Variants in SMAP1 observed in about 807,000 individuals in gnomAD.
SMAP1 encodes stromal membrane-associated protein 1.
A neutral mutation model predicts 58.5 loss-of-function variants in SMAP1; 24 were observed. The ratio of observed to expected loss-of-function variants is 0.41; its 90% CI spans 0.30 to 0.58. SMAP1 has a LOEUF of 0.58. Among genes scored for constraint, SMAP1 ranks in the 20% least tolerant of loss-of-function variants. SMAP1 has a pLI of 0.29. For synonymous variants in SMAP1, 216 were observed against 196.6 expected (o/e 1.10, Z -0.82); for missense variants, 563 against 566.3 (o/e 0.99, Z 0.06).
At chr6:70,691,315 A>G (rs1013621490) in intron 1 of SMAP1, among the ~76,000 whole-genome samples, 12 of 151,876 alleles carry the variant, frequency 7.9e-5, no homozygotes, top group African/African-American at 2.9e-4. Context: ...TAAAATTTTT[A>G]TGGGTACATA....
intron 3 of SMAP1, chr6:70,773,082 G>A (rs942853685): frequency 3.0e-5 from 10 of 337,280 alleles, no homozygotes; most frequent in Non-Finnish European, 4.9e-5. Flanking sequence ...TGGTGGTGAT[G>A]TAGGAATTAA....
chr6:70,808,201 G>T (rs1769220481), intron 6 of SMAP1, among the ~76,000 whole-genome samples: 1 of 152,112 alleles, frequency 6.6e-6, no homozygotes, highest in Non-Finnish European at 1.5e-5. Flanking sequence ...GATCCACGCA[G>T]TTCAAACCCA....
intron 4 of SMAP1, among the ~76,000 whole-genome samples, chr6:70,781,931 G>A (rs1003874099): frequency 6.6e-6 from 1 of 152,132 alleles, no homozygotes; most frequent in African/African-American, 2.4e-5. Flanking sequence ...AGAGAAGAAC[G>A]TCTGAGCTTA....
At chr6:70,754,526 C>T (rs2149888819) in intron 2 of SMAP1, among the ~76,000 whole-genome samples, 1 of 152,168 alleles carries the variant, frequency 6.6e-6, no homozygotes, top group South Asian at 2.1e-4. Context: ...CACTGTTTCT[C>T]TCTTATCTGG....
In SMAP1 at chr6:70,811,385, A is replaced by G. The variant is rs1344652704; in HGVS notation, c.576+12648A>G. ...TTGTTAAATGCCCCCTGGGAAGCAT[A>G]ATCACTTCTCACTTGAGAATTGTTG... On this transcript the variant is annotated intron_variant, in intron 6 of 10. Transcript: ENST00000370455. Among the ~76,000 whole-genome samples the G allele has an allele frequency of 2.0e-5, 3 of 152,170 alleles. No individual in the cohort carries two copies. In the East Asian group the frequency reaches 5.8e-4, roughly 29 times the overall value.
At chr6:70,773,265 A>G in intron 3 of SMAP1, 85 bp from the exon 4 acceptor site, 2 of 747,692 alleles carry the variant, frequency 2.7e-6, no homozygotes, top group Non-Finnish European at 2.2e-6. Flanking sequence ...TTAAATTTAG[A>G]GTCCCAGCTT....
chr6:70,748,752 A>G (rs1156495196), intron 2 of SMAP1, among the ~76,000 whole-genome samples: 1 of 152,056 alleles, frequency 6.6e-6, no homozygotes, highest in African/African-American at 2.4e-5. Flanking sequence ...ACATGGTACA[A>G]ACTTTAAAGG....
At chr6:70,729,948 G>A (rs113615432) in intron 1 of SMAP1, among the ~76,000 whole-genome samples, 2,650 of 152,254 alleles carry the variant, frequency 0.017, 33 homozygotes, top group Non-Finnish European at 0.023. Flanking sequence ...TACTCTGGGG[G>A]TCACAGAATT....
Position 70,837,037 on chromosome 6 carries a change from TA to T in SMAP1, c.664+15del. Reference sequence around the variant, plus strand: ...GGATCTTTTAGGACTTGGTAAGTAATAAAAAATAAAAGTCACTGCTGGAGTT... The same window carrying T: ...GGATCTTTTAGGACTTGGTAAGTAATAAAAATAAAAGTCACTGCTGGAGTT... On this transcript the variant is annotated intron_variant, in intron 7 of 10. Transcript: ENST00000370455. The T allele has an allele frequency of 1.9e-6, 3 of 1,553,674 alleles. No individual in the cohort carries two copies. Among genetic ancestry groups the T allele is most frequent in the Non-Finnish European group, 8.7e-7 (1 of 1,151,600 alleles).
intron 5 of SMAP1, among the ~76,000 whole-genome samples, chr6:70,794,559 C>A (rs1189055673): frequency 6.6e-6 from 1 of 152,098 alleles, no homozygotes; most frequent in Non-Finnish European, 1.5e-5. Context: ...TATCTCCCAC[C>A]ACCCCACGAC....
At chr6:70,676,252 TGAACATGAGGGTGGTCTTGGG>T (rs1245153803) in intron 1 of SMAP1, among the ~76,000 whole-genome samples, 2 of 152,234 alleles carry the variant, frequency 1.3e-5, no homozygotes, top group Non-Finnish European at 2.9e-5. Flanking sequence ...AGCAAATTAC[TGAACATGAGGGTGGTCTTGGG>T]GAACTCAAAG....
chr6:70,772,715 A>G (rs1272457285), intron 3 of SMAP1, among the ~76,000 whole-genome samples: 2 of 152,204 alleles, frequency 1.3e-5, no homozygotes, highest in East Asian at 1.9e-4. Flanking sequence ...TGGCTTTATC[A>G]TCTTGACTTT....
At chr6:70,669,903 T>G (rs1766193121) in intron 1 of SMAP1, among the ~76,000 whole-genome samples, 1 of 152,204 alleles carries the variant, frequency 6.6e-6, no homozygotes, top group Non-Finnish European at 1.5e-5. Flanking sequence ...TTTTCACTAA[T>G]GCTTTCTAAA....
At position 70,861,924 on chromosome 6, in the gene SMAP1, C is replaced by T. The variant is rs781519334; in HGVS notation, c.*1590C>T. ...TTGCATCCCTGGCTGGGATCCACGA[C>T]GCTTAAATACAGCTTTTGGATTGGA... On this transcript the variant is annotated 3_prime_UTR_variant, in exon 11 of 11. Coordinates refer to ENST00000370455, the MANE Select transcript of SMAP1 (RefSeq NM_001044305.3). 23 of 1,613,556 alleles carry T rather than the reference C, an allele frequency of 1.4e-5. No individual in the cohort carries two copies. The highest frequency in any genetic ancestry group is 4.4e-5 in the South Asian group (4 of 91,078).
chr6:70,686,200 T>A (rs1253429035), intron 1 of SMAP1, among the ~76,000 whole-genome samples: 1 of 152,240 alleles, frequency 6.6e-6, no homozygotes, highest in East Asian at 1.9e-4. Context: ...TGCTATGCAG[T>A]GCAGTAAGAT....
At chr6:70,783,637 A>G (rs1024193076) in intron 4 of SMAP1, among the ~76,000 whole-genome samples, 30 of 152,264 alleles carry the variant, frequency 2.0e-4, no homozygotes, top group Non-Finnish European at 3.8e-4. Context: ...GCCAAGGCTC[A>G]AGAACTACAT....
intron 4 of SMAP1, among the ~76,000 whole-genome samples, chr6:70,787,912 A>G (rs1582187924): frequency 6.6e-6 from 1 of 151,998 alleles, no homozygotes; most frequent in African/African-American, 2.4e-5. Context: ...GGGATCTAGA[A>G]CTAGAAATAC....
At chr6:70,776,456 G>A (rs1378979756) in intron 4 of SMAP1, among the ~76,000 whole-genome samples, 5 of 152,106 alleles carry the variant, frequency 3.3e-5, no homozygotes, top group Non-Finnish European at 5.9e-5. Flanking sequence ...TGGGATTACC[G>A]GTGTGAGCCA....
chr6:70,713,434 C>T (rs1577110), intron 1 of SMAP1, among the ~76,000 whole-genome samples: 69,672 of 151,718 alleles, frequency 0.46, 16,276 homozygotes, highest in South Asian at 0.5. Context: ...TGCTGTATCA[C>T]GTAAGTTTTG....
Sources: allele counts gnomAD v4.1 joint callset (sites outside exome capture counted in the v4.1 genomes callset), GRCh38; gene constraint gnomAD v4.1.1; transcripts MANE v1.5; gene names NCBI Gene and HGNC (gene_info 2026-07-23, HGNC 2026-07-21).